Variants in RPS6KC1 observed in about 807,000 individuals in gnomAD.
RPS6KC1 encodes the protein ribosomal protein S6 kinase C1, also known as inactive ribosomal protein S6 kinase delta-1.
A neutral mutation model predicts 103.8 loss-of-function variants in RPS6KC1; 54 were observed. That is an observed-to-expected ratio of 0.52 (90% confidence interval 0.42 to 0.65). The LOEUF is 0.65. Among genes scored for constraint, RPS6KC1 ranks in the 30% least tolerant of loss-of-function variants. The probability of loss-of-function intolerance (pLI) is 0.00; values close to 1 mark genes in which losing one functional copy is unlikely to be tolerated. For missense variants in RPS6KC1, 1,151 were observed against 1,253.8 expected (o/e 0.92, Z 1.24); for synonymous variants, 439 against 438.7 (o/e 1.00, Z -0.01).
At chr1:213,409,902 C>T in the RPS6KC1 span, among the ~76,000 whole-genome samples, 1 of 152,216 alleles carries the variant, frequency 6.6e-6, no homozygotes, top group African/African-American at 2.4e-5. Context: ...GTGGCTCACG[C>T]CTGTAATCCT....
chr1:213,701,268 G>T, the RPS6KC1 span, among the ~76,000 whole-genome samples: 1 of 150,894 alleles, frequency 6.6e-6, no homozygotes, highest in Non-Finnish European at 1.5e-5. Context: ...ATGAAGACAT[G>T]TTGAATTTTC....
chr1:213,070,210 T>G (rs2078742888), intron 1 of RPS6KC1, among the ~76,000 whole-genome samples: 1 of 152,232 alleles, frequency 6.6e-6, no homozygotes, highest in Admixed American at 6.5e-5. Flanking sequence ...TAAGAAATAA[T>G]GTAGGGAGAT....
chr1:213,703,178 T>A, the RPS6KC1 span, among the ~76,000 whole-genome samples: 1 of 152,180 alleles, frequency 6.6e-6, no homozygotes. Flanking sequence ...TAATAACAAC[T>A]TAACACTGTT....
the RPS6KC1 span, among the ~76,000 whole-genome samples, chr1:213,484,197 T>C: frequency 6.6e-6 from 1 of 152,216 alleles, no homozygotes; most frequent in Non-Finnish European, 1.5e-5. Flanking sequence ...CTCTATTATC[T>C]ATCACTGCAT....
At chr1:213,727,278 C>T in the RPS6KC1 span, among the ~76,000 whole-genome samples, 13 of 152,124 alleles carry the variant, frequency 8.5e-5, no homozygotes, top group Admixed American at 5.2e-4. Flanking sequence ...GAGCCCTTAC[C>T]GAAACTCACA....
At chr1:213,134,023 T>C (rs6692056) in intron 6 of RPS6KC1, among the ~76,000 whole-genome samples, 3 of 151,754 alleles carry the variant, frequency 2.0e-5, no homozygotes, top group African/African-American at 7.3e-5. Flanking sequence ...CTAGTTGATC[T>C]TTCAACAAGC....
chr1:213,113,872 A>G (rs527559675), intron 4 of RPS6KC1, among the ~76,000 whole-genome samples: 3,352 of 151,954 alleles, frequency 0.022, 57 homozygotes, highest in Admixed American at 0.041. Context: ...ATAGTTGTAG[A>G]TATGCGGCGT....
chr1:213,257,316 G>A (rs1002007216), intron 12 of RPS6KC1, among the ~76,000 whole-genome samples: 2 of 152,118 alleles, frequency 1.3e-5, no homozygotes, highest in African/African-American at 2.4e-5. Flanking sequence ...GTTAGCCATC[G>A]ATTAGACAGA....
At chr1:213,356,393 C>T in the RPS6KC1 span, among the ~76,000 whole-genome samples, 4 of 152,194 alleles carry the variant, frequency 2.6e-5, no homozygotes, top group Non-Finnish European at 5.9e-5. Context: ...TGGTGGCTCA[C>T]GCCTGTAATC....
chr1:213,547,080 A>AT, the RPS6KC1 span, among the ~76,000 whole-genome samples: 316 of 152,190 alleles, frequency 2.1e-3, 2 homozygotes, highest in Non-Finnish European at 3.9e-3. Flanking sequence ...CTCTATTAGA[A>AT]TTTTTTTTAA....
chr1:213,369,426 A>C, the RPS6KC1 span, among the ~76,000 whole-genome samples: 1 of 152,334 alleles, frequency 6.6e-6, no homozygotes, highest in East Asian at 1.9e-4. Context: ...CCCTGGCCCT[A>C]TGGGGCCAAA....
intron 8 of RPS6KC1, among the ~76,000 whole-genome samples, chr1:213,213,698 T>G (rs952230594): frequency 2.0e-5 from 3 of 152,246 alleles, no homozygotes; most frequent in Admixed American, 1.3e-4. Context: ...AATGTAGGAA[T>G]GACGCTTTTG....
chr1:213,513,920 T>C, the RPS6KC1 span, among the ~76,000 whole-genome samples: 1 of 152,136 alleles, frequency 6.6e-6, no homozygotes, highest in Non-Finnish European at 1.5e-5. Flanking sequence ...TGCGCTGGAG[T>C]GCTCACGTGC....
the RPS6KC1 span, among the ~76,000 whole-genome samples, chr1:213,724,668 G>A: frequency 6.2e-3 from 945 of 152,264 alleles, 8 homozygotes; most frequent in Non-Finnish European, 9.5e-3. Context: ...GGGACATGAA[G>A]GTGGGAAGAT....
chr1:213,173,327 C>T (rs551236506), intron 7 of RPS6KC1, among the ~76,000 whole-genome samples: 13 of 152,298 alleles, frequency 8.5e-5, no homozygotes, highest in African/African-American at 3.1e-4. Flanking sequence ...GATCACTTTG[C>T]CTTTGGTCAT....
At chr1:213,308,922 T>C in the RPS6KC1 span, among the ~76,000 whole-genome samples, 1 of 152,170 alleles carries the variant, frequency 6.6e-6, no homozygotes, top group Non-Finnish European at 1.5e-5. Flanking sequence ...AAGTTGTCAG[T>C]AGTGATTAGA....
chr1:213,281,236 A>C, the RPS6KC1 span, among the ~76,000 whole-genome samples: 1 of 152,184 alleles, frequency 6.6e-6, no homozygotes, highest in African/African-American at 2.4e-5. Flanking sequence ...TCTTATTCTC[A>C]CTTGCGCATA....
the RPS6KC1 span, among the ~76,000 whole-genome samples, chr1:213,388,976 T>C: frequency 6.6e-6 from 1 of 152,236 alleles, no homozygotes; most frequent in African/African-American, 2.4e-5. Flanking sequence ...GCTGACTTTC[T>C]TTCTCCTTTT....
the RPS6KC1 span, among the ~76,000 whole-genome samples, chr1:213,625,258 T>C: frequency 5.4e-3 from 817 of 152,344 alleles, 4 homozygotes; most frequent in African/African-American, 0.019. Context: ...CTATTCCACC[T>C]ATTCTCACAG....
Sources: gnomAD v4.1 joint callset for allele counts (sites outside exome capture counted in the v4.1 genomes callset) on GRCh38, gnomAD v4.1.1 for gene constraint, MANE v1.5 for transcripts, NCBI Gene and HGNC (gene_info 2026-07-23, HGNC 2026-07-21) for gene names.